Variants in SUPT3H observed in about 807,000 individuals in gnomAD.
SUPT3H encodes the protein SPT3 homolog, SAGA and STAGA complex component, also known as transcription initiation protein SPT3 homolog.
Under a neutral mutation model 44.3 loss-of-function variants are expected in SUPT3H, and 44 were observed. The ratio of observed to expected loss-of-function variants is 0.99; its 90% CI spans 0.78 to 1.28. SUPT3H has a LOEUF of 1.28. Among genes scored for constraint, SUPT3H ranks in the 50% most tolerant of loss-of-function variants. The pLI is 0.00. For synonymous variants in SUPT3H, 124 were observed against 125.6 expected (o/e 0.99, Z 0.09); for missense variants, 380 against 387.1 (o/e 0.98, Z 0.15).
At position 45,001,659 on chromosome 6, in the gene SUPT3H, T is replaced by C. The variant is rs142920293; in HGVS notation, c.504+1994A>G. On this transcript the variant is annotated intron_variant, in intron 6 of 10. Transcript: ENST00000371459. ...GAAAGAAAACTAAAATTAAGCCTGTTGGTAGGTCTATACCATTTTCATACA... is the reference window on the plus strand; with the variant it reads ...GAAAGAAAACTAAAATTAAGCCTGTCGGTAGGTCTATACCATTTTCATACA... Among the ~76,000 whole-genome samples, 331 of 152,206 alleles carry C rather than the reference T, an allele frequency of 2.2e-3. 1 individual carries two copies. The highest frequency in any genetic ancestry group is 0.02 in the Middle Eastern group (6 of 294).
rs146697846 is a variant in SUPT3H at position 45,330,798 on chromosome 6, A to G, written c.101+34403T>C. On this transcript the variant is annotated intron_variant, in intron 2 of 10. Coordinates refer to ENST00000371459, the MANE Select transcript of SUPT3H (RefSeq NM_003599.4). ...ACCTTCCCTCCCCGCCAGCCCCCAAACAGTATCTTGAAGCCTGAATAGAGA... is the reference window on the plus strand; with the variant it reads ...ACCTTCCCTCCCCGCCAGCCCCCAAGCAGTATCTTGAAGCCTGAATAGAGA... Among the ~76,000 whole-genome samples the G allele has an allele frequency of 1.6e-3, 250 of 151,904 alleles. 3 individuals carry two copies. Among genetic ancestry groups the G allele is most frequent in the African/African-American group, 5.9e-3 (244 of 41,472 alleles).
At chr6:44,892,475 T>C (rs1163815405) in intron 10 of SUPT3H, among the ~76,000 whole-genome samples, 1 of 152,156 alleles carries the variant, frequency 6.6e-6, no homozygotes, top group Non-Finnish European at 1.5e-5. Context: ...GGAAAATAAA[T>C]TTCTGTTGTT....
At chr6:45,225,518 C>T (rs1184929942) in intron 2 of SUPT3H, among the ~76,000 whole-genome samples, 1 of 152,060 alleles carries the variant, frequency 6.6e-6, no homozygotes, top group African/African-American at 2.4e-5. Context: ...TACAAAATTT[C>T]TTATAAAAAT....
rs138194530 is a variant in SUPT3H at position 44,988,602 on chromosome 6, T to C, written c.504+15051A>G. On this transcript the variant is annotated intron_variant, in intron 6 of 10. Transcript: ENST00000371459. ...AAAGTTTACAACACTAATATTTCTA[T>C]TGTTAAATAAAAATTTTCCTATTTT... Among the ~76,000 whole-genome samples the C allele has an allele frequency of 5.3e-3, 802 of 151,148 alleles. 5 individuals carry two copies. The highest frequency in any genetic ancestry group is 0.018 in the African/African-American group (748 of 41,432).
intron 10 of SUPT3H, among the ~76,000 whole-genome samples, chr6:44,882,074 T>C (rs1184019869): frequency 6.6e-6 from 1 of 152,034 alleles, no homozygotes; most frequent in Non-Finnish European, 1.5e-5. Context: ...CGAAAAACCC[T>C]TCAAAAAAAT....
chr6:44,983,063 A>G (rs896036182), intron 6 of SUPT3H, among the ~76,000 whole-genome samples: 2 of 152,236 alleles, frequency 1.3e-5, no homozygotes, highest in Non-Finnish European at 1.5e-5. Context: ...TGAGAGAAGT[A>G]TATCTAAGAG....
intron 2 of SUPT3H, among the ~76,000 whole-genome samples, chr6:45,296,738 C>CAAAAAAAAAAA (rs60921436): frequency 0.047 from 1,390 of 29,654 alleles, 215 homozygotes; most frequent in Non-Finnish European, 0.076. Flanking sequence ...GACTCTGTCT[C>CAAAAAAAAAAA]AAAAAAAAAA....
intron 2 of SUPT3H, among the ~76,000 whole-genome samples, chr6:45,187,257 A>G (rs927811779): frequency 1.3e-5 from 2 of 152,090 alleles, no homozygotes; most frequent in Admixed American, 1.3e-4. Context: ...TCTACTAAAA[A>G]TAGAAAAATT....
At chr6:44,818,739 A>G (rs1767073316) in intron 11 of SUPT3H, among the ~76,000 whole-genome samples, 1 of 152,210 alleles carries the variant, frequency 6.6e-6, no homozygotes. Flanking sequence ...AGGTAAAGCC[A>G]CAATGAGATA....
At chr6:44,952,999 C>G (rs1376308524) in intron 9 of SUPT3H, among the ~76,000 whole-genome samples, 1 of 152,262 alleles carries the variant, frequency 6.6e-6, no homozygotes, top group Middle Eastern at 3.4e-3. Context: ...ACTTTTCCAA[C>G]ATTACCTAAA....
intron 2 of SUPT3H, among the ~76,000 whole-genome samples, chr6:45,315,179 A>T (rs1268423049): frequency 6.6e-6 from 1 of 152,186 alleles, no homozygotes; most frequent in Non-Finnish European, 1.5e-5. Flanking sequence ...TGAAACTAAA[A>T]ATTCTAGAAG....
At chr6:45,176,714 C>T (rs939087366) in intron 2 of SUPT3H, among the ~76,000 whole-genome samples, 1 of 148,622 alleles carries the variant, frequency 6.7e-6, no homozygotes, top group Admixed American at 6.8e-5. Flanking sequence ...CTCCCAGCAC[C>T]CAGCTGGAGA....
In SUPT3H at chr6:45,106,003, A is replaced by G. The variant is rs1296682277; in HGVS notation, c.105T>C (p.Tyr35=). The change falls in exon 3 of 11, where the codon TAT becomes TAC. Residue 35 remains tyrosine, a synonymous_variant. Coordinates refer to ENST00000371459, the MANE Select transcript of SUPT3H (RefSeq NM_003599.4). ...GAGGCCTTCTAGCATCACCTAAAGAATACCTGCAAAATAATTTTAAACACA... is the reference window on the plus strand; with the variant it reads ...GAGGCCTTCTAGCATCACCTAAAGAGTACCTGCAAAATAATTTTAAACACA... ...SFATELQSMM[Y]SLGDARRPLH... is the part of the protein sequence containing the mutation. 1.2e-6 allele frequency: 2 copies of G among 1,612,904 alleles called. No individual in the cohort carries two copies. The highest frequency in any genetic ancestry group is 2.7e-5 in the African/African-American group (2 of 74,914).
intron 2 of SUPT3H, among the ~76,000 whole-genome samples, chr6:45,276,559 G>A (rs908960791): frequency 2.6e-5 from 4 of 152,026 alleles, no homozygotes; most frequent in East Asian, 1.9e-4. Flanking sequence ...AAGAGTCAGC[G>A]TATATTTCCC....
At chr6:45,107,283 A>AG (rs1023072951) in intron 2 of SUPT3H, among the ~76,000 whole-genome samples, 23 of 152,312 alleles carry the variant, frequency 1.5e-4, no homozygotes, top group South Asian at 8.3e-4. Context: ...TTTATTCTGA[A>AG]GGCATCTACC....
At chr6:45,291,373 A>G (rs1352179478) in intron 2 of SUPT3H, among the ~76,000 whole-genome samples, 1 of 152,210 alleles carries the variant, frequency 6.6e-6, no homozygotes, top group Non-Finnish European at 1.5e-5. Flanking sequence ...AACTCTGGTA[A>G]TATGACAAAA....
rs114599542 is a variant in SUPT3H, at chr6:44,853,661, A to T, written c.913-23804T>A. On this transcript the variant is annotated intron_variant, in intron 10 of 10. Coordinates refer to ENST00000371459, the MANE Select transcript of SUPT3H (RefSeq NM_003599.4). The stretch of plus-strand genomic sequence containing the variant: ...ACATATGCATGAGTGTTTTACAAAA[A>T]TGAGGCTCAAGGAGATGGGCAGATA... 9.5e-3 allele frequency among the ~76,000 whole-genome samples: 1,447 copies of T among 152,268 alleles called. 23 individuals are homozygous for T. Among genetic ancestry groups the T allele is most frequent in the African/African-American group, 0.033 (1,373 of 41,554 alleles).
intron 2 of SUPT3H, among the ~76,000 whole-genome samples, chr6:45,260,549 A>T (rs1774196776): frequency 6.6e-6 from 1 of 152,172 alleles, no homozygotes; most frequent in African/African-American, 2.4e-5. Context: ...AAGTATATTA[A>T]AATTAGTCCA....
chr6:44,865,456 A>G (rs1457660371), intron 10 of SUPT3H, among the ~76,000 whole-genome samples: 1 of 152,120 alleles, frequency 6.6e-6, no homozygotes, highest in South Asian at 2.1e-4. Context: ...AAGACTGGGT[A>G]ATTTACAAAG....
Sources: gnomAD v4.1 joint callset for allele counts (sites outside exome capture counted in the v4.1 genomes callset) on GRCh38, gnomAD v4.1.1 for gene constraint, MANE v1.5 for transcripts, NCBI Gene and HGNC (gene_info 2026-07-23, HGNC 2026-07-21) for gene names.